MYSM1: variants seen among roughly 807,000 people sequenced by gnomAD.
MYSM1 encodes deubiquitinase MYSM1.
Under a neutral mutation model 116.0 loss-of-function variants are expected in MYSM1, and 51 were observed. That is an observed-to-expected ratio of 0.44 (90% CI 0.35 to 0.56). The LOEUF (loss-of-function observed/expected upper bound fraction) is 0.56. Ranked by LOEUF, MYSM1 falls within the 20% of genes least tolerant of loss-of-function variation. The pLI, the probability that MYSM1 is intolerant of heterozygous loss-of-function variation, is 0.00. For synonymous variants in MYSM1, 313 were observed against 315.2 expected, an observed-to-expected ratio of 0.99 and a Z score of 0.07; for missense variants, 900 against 974.9, an observed-to-expected ratio of 0.92 and a Z score of 1.02.
intron 7 of MYSM1, 60 bp from the exon 8 acceptor site, chr1:58,682,605 T>A (rs1644763233): frequency 7.1e-7 from 1 of 1,414,572 alleles, no homozygotes; most frequent in African/African-American, 1.4e-5. Flanking sequence ...TAATCACTGG[T>A]ACACACAAAA....
intron 13 of MYSM1, 130 bp downstream of exon 13, chr1:58,668,854 G>A: frequency 1.0e-6 from 1 of 984,610 alleles, no homozygotes. Context: ...AATTCCAGCA[G>A]GGAGAAATTC....
chr1:58,661,574 A>G, intron 17 of MYSM1, 63 bp from the exon 18 acceptor site: 1 of 922,034 alleles, frequency 1.1e-6, no homozygotes, highest in Non-Finnish European at 1.7e-6. Context: ...TCTCCTTTTA[A>G]TTATACTTAA....
Position 58,660,006 on chromosome 1 carries a change from C to G in MYSM1, c.2478G>C (p.Leu826Phe). 1 of 1,557,018 alleles carries G rather than the reference C, an allele frequency of 6.4e-7. No homozygotes were observed. Among genetic ancestry groups the G allele is most frequent in the Non-Finnish European group, 8.7e-7 (1 of 1,151,402 alleles). Residue 826 changes from leucine to phenylalanine, a missense_variant, in exon 20 of 20, where the codon TTG becomes TTC. Leu to Phe is a conservative substitution (Grantham distance 22). This residue lies in a region of MYSM1 where 186 missense variants were observed against 196.2 expected (regional missense o/e 0.95). Coordinates refer to ENST00000472487, the MANE Select transcript of MYSM1 (RefSeq NM_001085487.3). ...GVTEENCTKE[L>F]LM ...CTTAACTTTAAAATAATCACATTAA[C>G]AATTCCTTTGTACAGTTCTCTTCGG...
intron 17 of MYSM1, among the ~76,000 whole-genome samples, chr1:58,662,659 GAA>G (rs142606111): frequency 6.9e-6 from 1 of 143,958 alleles, no homozygotes; most frequent in Non-Finnish European, 1.5e-5. Context: ...AGAAGGCATG[GAA>G]AAAAAAAAGG....
intron 12 of MYSM1, among the ~76,000 whole-genome samples, chr1:58,670,385 T>A (rs1557509908): frequency 6.6e-6 from 1 of 152,154 alleles, no homozygotes; most frequent in East Asian, 1.9e-4. Context: ...TAGACAATTA[T>A]TGAGCTTGTT....
chr1:58,672,565 A>C (rs1411403449), intron 11 of MYSM1, among the ~76,000 whole-genome samples: 1 of 152,178 alleles, frequency 6.6e-6, no homozygotes, highest in East Asian at 1.9e-4. Context: ...AAGTGTTTAT[A>C]AAATAAAGTA....
intron 6 of MYSM1, among the ~76,000 whole-genome samples, chr1:58,686,706 G>C (rs1644832350): frequency 6.6e-6 from 1 of 152,094 alleles, no homozygotes; most frequent in African/African-American, 2.4e-5. Flanking sequence ...CTTTATTGTG[G>C]GATGAAGACA....
At chr1:58,670,534 T>C (rs762519946) in intron 12 of MYSM1, among the ~76,000 whole-genome samples, 12 of 152,214 alleles carry the variant, frequency 7.9e-5, no homozygotes, top group Non-Finnish European at 1.6e-4. Flanking sequence ...AATGAGTTCA[T>C]GAAAAGTCAT....
chr1:58,677,013 G>A lies in MYSM1; in HGVS notation c.1303C>T (p.Pro435Ser), dbSNP rs751431658. Reference protein sequence around the residue: ...PKYLNKTSVRPGLKNCGDVNC... With the variant: ...PKYLNKTSVRSGLKNCGDVNC... The stretch of plus-strand genomic sequence containing the variant: ...ACATCTCCACAGTTCTTCAGGCCAG[G>A]ACGTACTGAGGTCTTATTTAAGTAT... The change falls in exon 9 of 20, where the codon CCT becomes TCT. Residue 435 changes from proline (P) to serine (S), a missense_variant. This residue lies in a region of MYSM1 where 622 missense variants were observed against 623.7 expected (regional missense o/e 1.00). Transcript: ENST00000472487. 2 of 1,610,378 alleles carry A rather than the reference G, an allele frequency of 1.2e-6. No homozygotes were observed. Among genetic ancestry groups the A allele is most frequent in the East Asian group, 2.2e-5 (1 of 44,488 alleles).
chr1:58,680,201 G>C (rs1299007850), intron 8 of MYSM1, among the ~76,000 whole-genome samples: 2 of 152,104 alleles, frequency 1.3e-5, no homozygotes, highest in Admixed American at 6.5e-5. Context: ...TCATTAGTGT[G>C]AATTAGGCCA....
At position 58,667,231 on chromosome 1, in the gene MYSM1, A is replaced by G. The variant is rs373122768; in HGVS notation, c.1843-5T>C. ...ACATGGTTCTGCTGCACAGACCTATAAACGATTGATCCTCAAATGATTATA... is the reference window on the plus strand; with the variant it reads ...ACATGGTTCTGCTGCACAGACCTATGAACGATTGATCCTCAAATGATTATA... On this transcript the variant is annotated splice_region_variant and splice_polypyrimidine_tract_variant and intron_variant, in intron 15 of 19. Transcript: ENST00000472487. 6.6e-7 allele frequency: 1 copy of G among 1,522,844 alleles called. No homozygotes were observed. Among genetic ancestry groups the G allele is most frequent in the Admixed American group, 2.0e-5 (1 of 50,798 alleles). 94.3% of individuals were successfully genotyped at this position (1,522,844 alleles called of 1,614,324 possible). A position where few individuals can be genotyped will look rare whatever the true frequency, so the allele number is the denominator to read the frequency against.
intron 8 of MYSM1, among the ~76,000 whole-genome samples, chr1:58,678,620 G>A (rs1411231984): frequency 3.9e-5 from 6 of 152,140 alleles, no homozygotes; most frequent in African/African-American, 1.4e-4. Context: ...TATCATGGGG[G>A]TTGAGGGGAG....
chr1:58,665,746 T>C, intron 16 of MYSM1, 115 bp from the exon 17 acceptor site: 1 of 757,326 alleles, frequency 1.3e-6, no homozygotes, highest in South Asian at 2.0e-5. Flanking sequence ...AAAAGGTGCA[T>C]TAAAAAGTTC....
rs1214331831 is a variant in MYSM1 at position 58,682,368 on chromosome 1, T to C, written c.676A>G (p.Thr226Ala). The change falls in exon 8 of 20, where the codon ACA (threonine) becomes GCA (alanine). Residue 226 changes from threonine (T) to alanine (A), a missense_variant. Transcript: ENST00000472487. ...KLSDDEEVDI[T>A]DEVDELSSQT... ...GAAGACAACTCGTCCACCTCATCTG[T>C]GATGTCTACTTCTTCATCATCAGAT... 2.5e-6 allele frequency: 4 copies of C among 1,614,198 alleles called. No homozygotes were observed. Among genetic ancestry groups the C allele is most frequent in the Non-Finnish European group, 3.4e-6 (4 of 1,180,028 alleles).
chr1:58,666,897 T>TA, intron 16 of MYSM1, 141 bp downstream of exon 16: 1 of 386,868 alleles, frequency 2.6e-6, no homozygotes, highest in Non-Finnish European at 4.4e-6. Context: ...ATAATAAAAA[T>TA]AAATAAAAAT....
chr1:58,694,602 A>G (rs1191540597), intron 2 of MYSM1, among the ~76,000 whole-genome samples: 1 of 151,998 alleles, frequency 6.6e-6, no homozygotes, highest in Non-Finnish European at 1.5e-5. Flanking sequence ...GCCTGGCGAC[A>G]AAGAGACTGC....
chr1:58,675,629 AT>A (rs1221197336), intron 9 of MYSM1, 49 bp from the exon 10 acceptor site: 21 of 1,455,586 alleles, frequency 1.4e-5, no homozygotes, highest in Middle Eastern at 1.8e-4. Flanking sequence ...TGTGAAACTC[AT>A]TTGTTAAACA....
Position 58,655,579 on chromosome 1 carries a change from T to C in MYSM1, c.*4418A>G, listed in dbSNP as rs1394958729. Reference sequence around the variant, plus strand: ...CAGAATATACTAGAAAGTATAATTATAGGTTAAATAAAAAAGAAAATAGAG... The same window carrying C: ...CAGAATATACTAGAAAGTATAATTACAGGTTAAATAAAAAAGAAAATAGAG... On this transcript the variant is annotated 3_prime_UTR_variant, in exon 20 of 20. Transcript: ENST00000472487. 6.6e-6 allele frequency: 1 copy of C among 152,128 alleles called. No individual in the cohort carries two copies. Among genetic ancestry groups the C allele is most frequent in the Non-Finnish European group, 1.5e-5 (1 of 68,020 alleles). 9.4% of individuals were successfully genotyped at this position (152,128 alleles called of 1,614,324 possible).
chr1:58,692,722 T>C (rs763568304), intron 3 of MYSM1, 139 bp downstream of exon 3: 2 of 564,944 alleles, frequency 3.5e-6, no homozygotes, highest in Non-Finnish European at 6.2e-6. Flanking sequence ...TTTGCATACA[T>C]AGGTAACATG....
Sources: gnomAD v4.1 joint callset for allele counts (sites outside exome capture counted in the v4.1 genomes callset) on GRCh38, gnomAD v4.1.1 for gene constraint, gnomAD v4.1.1 regional missense constraint, MANE v1.5 for transcripts, NCBI Gene and HGNC (gene_info 2026-07-23, HGNC 2026-07-21) for gene names.